SCN8A: variants seen among roughly 807,000 people sequenced by gnomAD.
SCN8A encodes sodium voltage-gated channel alpha subunit 8, also known as sodium channel protein type 8 subunit alpha.
A neutral mutation model predicts 184.1 loss-of-function variants in SCN8A; 30 were observed. The ratio of observed to expected loss-of-function variants is 0.16; its 90% confidence interval spans 0.12 to 0.22. The LOEUF is 0.22. Among genes scored for constraint, SCN8A ranks in the 10% least tolerant of loss-of-function variants. The pLI, the probability that SCN8A is intolerant of heterozygous loss-of-function variation, is 1.00. For synonymous variants in SCN8A, 852 were observed against 907.0 expected, an observed-to-expected ratio of 0.94 and a Z score of 1.09; for missense variants, 1,057 against 2,498.9, an observed-to-expected ratio of 0.42 and a Z score of 12.30.
Position 51,662,832 on chromosome 12 carries a change from G to C in SCN8A, c.15G>C (p.Leu5=), listed in dbSNP as rs757637034. ...AGGATGAGAAGATGGCAGCGCGGCTGCTTGCACCACCAGGCCCTGATAGTT... is the reference window on the plus strand; with the variant it reads ...AGGATGAGAAGATGGCAGCGCGGCTCCTTGCACCACCAGGCCCTGATAGTT... MAAR[L]LAPPGPDSFK... Residue 5 remains leucine (L), a synonymous_variant, in exon 2 of 27, where the codon CTG becomes CTC. Coordinates refer to ENST00000627620, the MANE Select transcript of SCN8A (RefSeq NM_001330260.2). The C allele has an allele frequency of 1.2e-6, 2 of 1,613,810 alleles. No homozygotes were observed. Among genetic ancestry groups the C allele is most frequent in the Admixed American group, 1.7e-5 (1 of 60,020 alleles).
chr12:51,736,877 C>T (rs901094510), intron 12 of SCN8A, among the ~76,000 whole-genome samples: 2 of 152,208 alleles, frequency 1.3e-5, no homozygotes, highest in South Asian at 2.1e-4. Context: ...GCTTTTAGAG[C>T]TGAAGTATAG....
chr12:51,704,435 C>T (rs1045814764), intron 9 of SCN8A, among the ~76,000 whole-genome samples: 18 of 151,474 alleles, frequency 1.2e-4, no homozygotes, highest in East Asian at 2.0e-4. Flanking sequence ...TTTGGGAGGC[C>T]GAGGCAGGTG....
At chr12:51,710,965 A>T (rs1941865193) in intron 11 of SCN8A, among the ~76,000 whole-genome samples, 1 of 151,816 alleles carries the variant, frequency 6.6e-6, no homozygotes, top group Non-Finnish European at 1.5e-5. Flanking sequence ...TCTGCTTCTT[A>T]GCACATGGCT....
chr12:51,722,490 A>G (rs1942085298), intron 12 of SCN8A: 1 of 154,156 alleles, frequency 6.5e-6, no homozygotes, highest in South Asian at 2.0e-4. Context: ...TTGAGTTTTG[A>G]ATAATGTTCT....
rs1310444149 is a variant in SCN8A, at chr12:51,788,685, T to C, written c.4228-10T>C. On this transcript the variant is annotated splice_polypyrimidine_tract_variant and intron_variant, in intron 22 of 26. Transcript: ENST00000627620. ...ATAGGCACCGTCTAATGACTGACTC[T>C]GTTTGCCAGGCAACCTTCAAAGGCT... 6.2e-7 allele frequency: 1 copy of C among 1,605,966 alleles called. No homozygotes were observed. The highest frequency in any genetic ancestry group is 8.5e-7 in the Non-Finnish European group (1 of 1,175,216).
intron 2 of SCN8A, among the ~76,000 whole-genome samples, chr12:51,679,725 T>C (rs1941294453): frequency 4.5e-5 from 1 of 22,468 alleles, no homozygotes; most frequent in Non-Finnish European, 2.5e-4. Flanking sequence ...TCTTGCCTTT[T>C]TTTTTTTTTT....
chr12:51,719,683 C>T (rs1942017029), intron 11 of SCN8A, among the ~76,000 whole-genome samples: 1 of 133,382 alleles, frequency 7.5e-6, no homozygotes, highest in South Asian at 2.7e-4. Context: ...CAGTAAAATA[C>T]ATTAAAACAT....
chr12:51,629,311 T>C (rs7308367), intron 1 of SCN8A, among the ~76,000 whole-genome samples: 10,086 of 152,158 alleles, frequency 0.066, 1,121 homozygotes, highest in African/African-American at 0.23. Context: ...TTTGGCATTA[T>C]TGACATTTTG....
Position 51,684,242 on chromosome 12 carries a change from A to C in SCN8A, c.345A>C (p.Leu115Phe). The C allele has an allele frequency of 6.2e-7, 1 of 1,608,938 alleles. No individual in the cohort carries two copies. Among genetic ancestry groups the C allele is most frequent in the Non-Finnish European group, 8.5e-7 (1 of 1,175,322 alleles). Residue 115 changes from leucine to phenylalanine, a missense_variant, in exon 3 of 27, where the codon TTA (leucine) becomes TTC (phenylalanine). Physicochemically the swap from Leu to Phe is conservative, Grantham distance 22. Around this residue, in one of 19 missense-constraint regions of SCN8A, gnomAD observed 66 missense variants for 276.4 expected, o/e 0.24. Transcript: ENST00000627620. ...GTGCCACGCCTGCCTTGTACATTTTAAGTCCTTTTAACCTGATAAGAAGAA... is the reference window on the plus strand; with the variant it reads ...GTGCCACGCCTGCCTTGTACATTTTCAGTCCTTTTAACCTGATAAGAAGAA... ...RFSATPALYI[L>F]SPFNLIRRIA...
chr12:51,790,318 T>C, intron 24 of SCN8A, 80 bp from the exon 25 acceptor site: 1 of 932,146 alleles, frequency 1.1e-6, no homozygotes, highest in Non-Finnish European at 1.6e-6. Context: ...CCCTCAGTTC[T>C]CAGTATTGAA....
intron 17 of SCN8A, 72 bp from the exon 18 acceptor site, chr12:51,769,796 G>A (rs1251166279): frequency 2.1e-6 from 2 of 966,898 alleles, no homozygotes; most frequent in East Asian, 2.6e-5. Flanking sequence ...CCCCACCAGA[G>A]GCAGAGTTCT....
chr12:51,785,805 G>T (rs1476198519), intron 21 of SCN8A, among the ~76,000 whole-genome samples: 1 of 152,144 alleles, frequency 6.6e-6, no homozygotes, highest in Non-Finnish European at 1.5e-5. Context: ...ACACTGTGAT[G>T]AGTGGAGTCA....
chr12:51,659,370 A>T (rs1343517590), intron 1 of SCN8A, among the ~76,000 whole-genome samples: 1 of 152,194 alleles, frequency 6.6e-6, no homozygotes, highest in East Asian at 1.9e-4. Flanking sequence ...CTACATCTTG[A>T]TTTCAGTGGT....
chr12:51,800,864 A>C (rs1383792716), intron 26 of SCN8A, among the ~76,000 whole-genome samples: 1 of 152,224 alleles, frequency 6.6e-6, no homozygotes, highest in Non-Finnish European at 1.5e-5. Context: ...CATGGGAGAA[A>C]GATTAGCAGT....
intron 1 of SCN8A, among the ~76,000 whole-genome samples, chr12:51,651,110 C>T (rs917547602): frequency 3.9e-5 from 6 of 152,192 alleles, no homozygotes; most frequent in South Asian, 2.1e-4. Flanking sequence ...CCACCCTGGG[C>T]GGGCCAGGTG....
At chr12:51,785,936 A>ATCTGT (rs1421654241) in intron 21 of SCN8A, among the ~76,000 whole-genome samples, 1 of 152,198 alleles carries the variant, frequency 6.6e-6, no homozygotes, top group Non-Finnish European at 1.5e-5. Flanking sequence ...GTGAAAGCAC[A>ATCTGT]TCTGTTCAGA....
chr12:51,751,397 A>G lies in SCN8A; in HGVS notation c.2174A>G (p.Lys725Arg), dbSNP rs1382581428. Residue 725 changes from lysine to arginine, a missense_variant, in exon 14 of 27, where the codon AAA becomes AGA. This residue lies in a region of SCN8A where 322 missense variants were observed against 390.1 expected (regional missense o/e 0.83). Transcript: ENST00000627620. ...SQRKCPPCWYKFANTFLIWEC... is the reference protein window; with the variant it reads ...SQRKCPPCWYRFANTFLIWEC... ...AGAAAGTGCCCGCCATGCTGGTATA[A>G]ATTTGCCAACACTTTCCTCATCTGG... 2 of 1,613,752 alleles carry G rather than the reference A, an allele frequency of 1.2e-6. No homozygotes were observed. The highest frequency in any genetic ancestry group is 3.3e-5 in the Admixed American group (2 of 59,990).
At chr12:51,731,452 T>A (rs930024496) in intron 12 of SCN8A, among the ~76,000 whole-genome samples, 17 of 151,820 alleles carry the variant, frequency 1.1e-4, no homozygotes, top group African/African-American at 3.9e-4. Context: ...GGTTTTACCA[T>A]ATTGGCCAGG....
intron 1 of SCN8A, among the ~76,000 whole-genome samples, chr12:51,652,987 T>A: frequency 6.6e-6 from 1 of 152,198 alleles, no homozygotes; most frequent in Non-Finnish European, 1.5e-5. Flanking sequence ...AAGATTGTAG[T>A]AAAATATCCA....
Sources: gnomAD v4.1 joint callset for allele counts (sites outside exome capture counted in the v4.1 genomes callset) on GRCh38, gnomAD v4.1.1 for gene constraint, gnomAD v4.1.1 regional missense constraint, MANE v1.5 for transcripts, NCBI Gene and HGNC (gene_info 2026-07-23, HGNC 2026-07-21) for gene names.